The following EXOC2 variants were observed in gnomAD, a reference collection of about 807,000 sequenced individuals.
EXOC2 encodes SEC5-like 1.
Under a neutral mutation model 131.8 loss-of-function variants are expected in EXOC2, and 70 were observed. That is an observed-to-expected ratio of 0.53 (90% confidence interval 0.44 to 0.65). The LOEUF is 0.65. Among genes scored for constraint, EXOC2 ranks in the 30% least tolerant of loss-of-function variants. The probability of loss-of-function intolerance (pLI) is 0.00; values close to 1 mark genes in which losing one functional copy is unlikely to be tolerated. For synonymous variants in EXOC2, 411 were observed against 398.4 expected (o/e 1.03, Z -0.38); for missense variants, 923 against 1,108.6 (o/e 0.83, Z 2.38).
chr6:598,629 A>G (rs930980162), intron 9 of EXOC2, among the ~76,000 whole-genome samples: 2 of 152,258 alleles, frequency 1.3e-5, no homozygotes, highest in East Asian at 1.9e-4. Context: ...GATGGTTAAC[A>G]AACGGCAGAG....
In EXOC2 at chr6:564,948, A is replaced by C; in HGVS notation, c.1444-19T>G. On this transcript the variant is annotated intron_variant, in intron 13 of 27. Transcript: ENST00000230449. ...CAGCAGTCTTAAAAATTAAAAAAAC[A>C]AAATAAAACATATTAGAAATAATTT... 1 of 1,567,740 alleles carries C rather than the reference A, an allele frequency of 6.4e-7. No individual in the cohort carries two copies. Among genetic ancestry groups the C allele is most frequent in the Non-Finnish European group, 8.7e-7 (1 of 1,155,680 alleles).
At chr6:577,607 A>T (rs1407380559) in intron 11 of EXOC2, among the ~76,000 whole-genome samples, 1 of 152,218 alleles carries the variant, frequency 6.6e-6, no homozygotes, top group Non-Finnish European at 1.5e-5. Context: ...GTTAGTAAGG[A>T]CATTGGCTTG....
At chr6:615,950 A>AT (rs1440779262) in intron 6 of EXOC2, among the ~76,000 whole-genome samples, 6 of 152,234 alleles carry the variant, frequency 3.9e-5, no homozygotes, top group Admixed American at 3.9e-4. Flanking sequence ...GTTAACTATG[A>AT]TAATATCATT....
chr6:674,404 T>C (rs1383085082), intron 1 of EXOC2, among the ~76,000 whole-genome samples: 2 of 152,170 alleles, frequency 1.3e-5, no homozygotes, highest in Non-Finnish European at 2.9e-5. Flanking sequence ...CTCAAAAAAG[T>C]TCATGTACCC....
At chr6:518,937 T>C (rs1765309724) in intron 23 of EXOC2, among the ~76,000 whole-genome samples, 1 of 152,204 alleles carries the variant, frequency 6.6e-6, no homozygotes, top group Non-Finnish European at 1.5e-5. Flanking sequence ...ATTATTGACT[T>C]AGGCTTCCCT....
intron 6 of EXOC2, among the ~76,000 whole-genome samples, chr6:612,885 T>C (rs3757124): frequency 0.68 from 103,359 of 152,024 alleles, 36,219 homozygotes; most frequent in Admixed American, 0.77. Flanking sequence ...AAGGGGCAAG[T>C]GATAATGCTG....
intron 1 of EXOC2, chr6:679,379 T>A (rs1213690784): frequency 3.3e-5 from 5 of 152,036 alleles, no homozygotes; most frequent in African/African-American, 1.2e-4. Flanking sequence ...CAGAGAAACA[T>A]CAACTAAAAG....
intron 23 of EXOC2, among the ~76,000 whole-genome samples, chr6:502,178 C>T (rs116474478): frequency 0.013 from 1,993 of 152,212 alleles, 56 homozygotes; most frequent in African/African-American, 0.046. Flanking sequence ...AATCGAAGCA[C>T]AATAGTAAGC....
intron 1 of EXOC2, among the ~76,000 whole-genome samples, chr6:690,894 A>G (rs1764893830): frequency 6.6e-6 from 1 of 152,222 alleles, no homozygotes; most frequent in Non-Finnish European, 1.5e-5. Flanking sequence ...AGTACAATCA[A>G]CATCCTAGTA....
intron 10 of EXOC2, among the ~76,000 whole-genome samples, chr6:595,712 G>A (rs1176000228): frequency 2.6e-5 from 4 of 152,024 alleles, no homozygotes; most frequent in African/African-American, 9.7e-5. Flanking sequence ...CATAACAAGT[G>A]TAAACAGGCC....
chr6:554,476 T>C (rs1757314494), intron 20 of EXOC2, among the ~76,000 whole-genome samples: 1 of 152,098 alleles, frequency 6.6e-6, no homozygotes, highest in African/African-American at 2.4e-5. Context: ...CCTGGTGAAA[T>C]AATGAGCTAA....
chr6:604,118 A>AC (rs1760264611), intron 7 of EXOC2, among the ~76,000 whole-genome samples: 1 of 152,172 alleles, frequency 6.6e-6, no homozygotes, highest in Admixed American at 6.5e-5. Flanking sequence ...CATCATGGGG[A>AC]CATAGTGAGA....
At chr6:526,589 C>T (rs796193071) in intron 23 of EXOC2, among the ~76,000 whole-genome samples, 26 of 152,010 alleles carry the variant, frequency 1.7e-4, no homozygotes, top group African/African-American at 5.8e-4. Flanking sequence ...GACAGGAATG[C>T]ACCACCGTGC....
At chr6:560,944 G>C (rs9504317) in intron 17 of EXOC2, among the ~76,000 whole-genome samples, 2,141 of 152,078 alleles carry the variant, frequency 0.014, 17 homozygotes, top group Middle Eastern at 0.034. Flanking sequence ...CTGACCTCAG[G>C]TGATCCGCCC....
intron 13 of EXOC2, among the ~76,000 whole-genome samples, chr6:568,859 A>G (rs1431225483): frequency 6.6e-6 from 1 of 152,218 alleles, no homozygotes; most frequent in African/African-American, 2.4e-5. Context: ...TTTTGCCACA[A>G]CAATTTTGCC....
At chr6:529,123 C>CA (rs200254367) in intron 23 of EXOC2, among the ~76,000 whole-genome samples, 38 of 152,120 alleles carry the variant, frequency 2.5e-4, no homozygotes, top group Non-Finnish European at 3.2e-4. Context: ...TTTACCCCCC[C>CA]CCGCGCCCTG....
At chr6:615,182 G>GTGTGTGTGTGTGTGT (rs1561927678) in intron 6 of EXOC2, among the ~76,000 whole-genome samples, 1 of 121,032 alleles carries the variant, frequency 8.3e-6, no homozygotes, top group Non-Finnish European at 1.6e-5. Context: ...TGTGGGTGTG[G>GTGTGTGTGTGTGTGT]GTGTGTGTGT....
At chr6:557,914 T>A (rs142683035) in intron 17 of EXOC2, among the ~76,000 whole-genome samples, 1 of 151,596 alleles carries the variant, frequency 6.6e-6, no homozygotes, top group Non-Finnish European at 1.5e-5. Context: ...AGAGATGGGG[T>A]AGGAGGCCAG....
At position 554,187 on chromosome 6, in the gene EXOC2, G is replaced by A. The variant is rs184373647; in HGVS notation, c.2055-267C>T. Among the ~76,000 whole-genome samples, 50 of 152,038 alleles carry A rather than the reference G, an allele frequency of 3.3e-4. No homozygotes were observed. In the East Asian group the frequency reaches 9.3e-3, roughly 28 times the overall value. ...CTCCTGAGTAGCTGGGATTACAGGC[G>A]CCCGCCACCATGCCTGGCTAATTTT... On this transcript the variant is annotated intron_variant, in intron 20 of 27. Transcript: ENST00000230449.
Sources: gnomAD v4.1 joint callset for allele counts (sites outside exome capture counted in the v4.1 genomes callset) on GRCh38, gnomAD v4.1.1 for gene constraint, MANE v1.5 for transcripts, NCBI Gene and HGNC (gene_info 2026-07-23, HGNC 2026-07-21) for gene names.